Variants in CNTN5 observed in about 807,000 individuals in gnomAD.
The protein encoded by CNTN5 is contactin 5, also known as contactin-5.
In CNTN5, 77 loss-of-function variants were observed where a neutral mutation model predicts 129.1. The observed-to-expected ratio is 0.60, with a 90% CI of 0.50 to 0.72. The LOEUF (loss-of-function observed/expected upper bound fraction) is 0.72, where lower values mean the gene tolerates loss of function less well. CNTN5 is among the 30% of genes least tolerant of loss of function. The pLI is 0.00. For synonymous variants in CNTN5, 509 were observed against 465.6 expected (o/e 1.09, Z -1.20); for missense variants, 1,478 against 1,328.8 (o/e 1.11, Z -1.75).
chr11:100,309,116 C>T, intron 21 of CNTN5: 1 of 985,002 alleles, frequency 1.0e-6, no homozygotes, highest in South Asian at 4.7e-5. Flanking sequence ...TGTTCTTGTT[C>T]TTGCCTTGCT....
At chr11:99,722,431 G>A (rs117525212) in intron 3 of CNTN5, among the ~76,000 whole-genome samples, 4,630 of 152,118 alleles carry the variant, frequency 0.03, 83 homozygotes, top group Non-Finnish European at 0.043. Context: ...GCTAAATGAT[G>A]AGAACTTATG....
At chr11:99,952,683 T>C (rs951843245) in intron 7 of CNTN5, among the ~76,000 whole-genome samples, 1 of 152,124 alleles carries the variant, frequency 6.6e-6, no homozygotes, top group Non-Finnish European at 1.5e-5. Context: ...AGGCTTGGGC[T>C]GCTGTGCCTG....
intron 2 of CNTN5, among the ~76,000 whole-genome samples, chr11:99,346,430 A>G (rs61894577): frequency 0.097 from 14,799 of 152,232 alleles, 1,551 homozygotes; most frequent in East Asian, 0.46. Context: ...TGATCTCCTC[A>G]GGCCTGGTGG....
intron 2 of CNTN5, among the ~76,000 whole-genome samples, chr11:99,441,949 T>A (rs1032415320): frequency 6.6e-6 from 1 of 152,158 alleles, no homozygotes; most frequent in South Asian, 2.1e-4. Context: ...GTACTATTGA[T>A]AAGAATGAGA....
chr11:99,435,325 G>T (rs1402918758), intron 2 of CNTN5, among the ~76,000 whole-genome samples: 1 of 152,010 alleles, frequency 6.6e-6, no homozygotes, highest in Non-Finnish European at 1.5e-5. Context: ...TTTATTTCTT[G>T]CTCAAGAATA....
At chr11:99,884,352 A>C (rs1948844203) in intron 6 of CNTN5, among the ~76,000 whole-genome samples, 1 of 152,222 alleles carries the variant, frequency 6.6e-6, no homozygotes, top group Admixed American at 6.5e-5. Context: ...TGAAGAAAAT[A>C]GTAATTTAAT....
intron 3 of CNTN5, among the ~76,000 whole-genome samples, chr11:99,627,887 G>A (rs530504274): frequency 8.6e-5 from 13 of 150,498 alleles, no homozygotes; most frequent in Non-Finnish European, 1.8e-4. Context: ...TCCTAGGTTT[G>A]TTGACCATTC....
At chr11:99,024,555 T>A (rs576556873) in intron 1 of CNTN5, among the ~76,000 whole-genome samples, 1 of 152,196 alleles carries the variant, frequency 6.6e-6, no homozygotes, top group East Asian at 1.9e-4. Context: ...AAGCTAATTG[T>A]AGATAATTTT....
Position 99,736,794 on chromosome 11 carries a change from A to G in CNTN5, c.56-82750A>G, listed in dbSNP as rs113681310. Among the ~76,000 whole-genome samples, 102 of 152,308 alleles carry G rather than the reference A, an allele frequency of 6.7e-4. 2 individuals are homozygous for G. The highest frequency in any genetic ancestry group is 2.4e-3 in the African/African-American group (101 of 41,572). ...TAAAATAGAGACAATACCTACTCAA[A>G]GTAATTATGTATTAAATAAGATACA... On this transcript the variant is annotated intron_variant, in intron 3 of 24. Coordinates refer to ENST00000524871, the MANE Select transcript of CNTN5 (RefSeq NM_014361.4).
chr11:99,805,907 A>G (rs572783631), intron 3 of CNTN5, among the ~76,000 whole-genome samples: 2 of 152,212 alleles, frequency 1.3e-5, no homozygotes, highest in East Asian at 1.9e-4. Context: ...ACCACAGTAC[A>G]GTGTGTTCAG....
chr11:99,743,719 C>T (rs1943956423), intron 3 of CNTN5, among the ~76,000 whole-genome samples: 1 of 152,040 alleles, frequency 6.6e-6, no homozygotes. Flanking sequence ...AAAAGTCAAA[C>T]CTATTTAGAA....
At chr11:99,354,577 C>G (rs928662875) in intron 2 of CNTN5, among the ~76,000 whole-genome samples, 3 of 152,092 alleles carry the variant, frequency 2.0e-5, no homozygotes. Flanking sequence ...ATCAGCGACC[C>G]CTCTTTTTCT....
intron 3 of CNTN5, among the ~76,000 whole-genome samples, chr11:99,734,757 C>T (rs1375037757): frequency 1.3e-5 from 2 of 150,244 alleles, no homozygotes; most frequent in Admixed American, 1.3e-4. Context: ...TCCCTAATTC[C>T]TACATCCAGT....
At chr11:99,198,000 C>G (rs916239702) in intron 1 of CNTN5, among the ~76,000 whole-genome samples, 3 of 152,080 alleles carry the variant, frequency 2.0e-5, no homozygotes, top group African/African-American at 7.2e-5. Context: ...AATCCAAAAT[C>G]CATGTTACTG....
chr11:99,243,599 T>C (rs1217057450), intron 1 of CNTN5, among the ~76,000 whole-genome samples: 2 of 152,082 alleles, frequency 1.3e-5, no homozygotes, highest in African/African-American at 4.8e-5. Context: ...TTTTAGGTCT[T>C]ACACTTAAAT....
intron 3 of CNTN5, among the ~76,000 whole-genome samples, chr11:99,606,581 G>C (rs1342960622): frequency 2.2e-5 from 3 of 138,290 alleles, no homozygotes. Flanking sequence ...TTTCTTCAAA[G>C]AATTGGAAAA....
chr11:99,214,763 T>A (rs998218180), intron 1 of CNTN5, among the ~76,000 whole-genome samples: 2 of 152,102 alleles, frequency 1.3e-5, no homozygotes, highest in East Asian at 1.9e-4. Context: ...GACAAAAAAA[T>A]TTAGGTTTCA....
chr11:99,793,688 C>T (rs373431649), intron 3 of CNTN5, among the ~76,000 whole-genome samples: 10 of 152,210 alleles, frequency 6.6e-5, no homozygotes, highest in South Asian at 6.2e-4. Context: ...GCCCAGAAGT[C>T]GCTCAGGAGC....
At chr11:99,292,762 C>T (rs1237177863) in intron 1 of CNTN5, among the ~76,000 whole-genome samples, 1 of 152,118 alleles carries the variant, frequency 6.6e-6, no homozygotes. Flanking sequence ...TGACATTCCC[C>T]AGCTCTCTGG....
Sources: allele counts gnomAD v4.1 joint callset (sites outside exome capture counted in the v4.1 genomes callset), GRCh38; gene constraint gnomAD v4.1.1; transcripts MANE v1.5; gene names NCBI Gene and HGNC (gene_info 2026-07-23, HGNC 2026-07-21).